TMEM45B: variants seen among roughly 807,000 people sequenced by gnomAD.
The protein encoded by TMEM45B is transmembrane protein 45B.
TMEM45B carries 29 observed loss-of-function variants against 27.3 expected under a neutral mutation model. That is an observed-to-expected ratio of 1.06 (90% CI 0.79 to 1.45). TMEM45B has a LOEUF of 1.45. Among genes scored for constraint, TMEM45B ranks in the 40% most tolerant of loss-of-function variants. TMEM45B has a pLI of 0.00. For missense variants in TMEM45B, 348 were observed against 343.9 expected (o/e 1.01, Z -0.09); for synonymous variants, 143 against 134.7 (o/e 1.06, Z -0.43).
chr11:129,842,037 GA>G (rs1947702576), intron 1 of TMEM45B, among the ~76,000 whole-genome samples: 1 of 152,124 alleles, frequency 6.6e-6, no homozygotes, highest in African/African-American at 2.4e-5. Flanking sequence ...GTACAATTTC[GA>G]ATTCACTAGA....
chr11:129,848,506 AGAGAGGGAGAGG>A lies in TMEM45B; in HGVS notation c.-8-3955_-8-3944del, dbSNP rs66700369. The stretch of plus-strand genomic sequence containing the variant: ...TCGGCATGAAAGGGAGACCGTGGAA[AGAGAGGGAGAGG>A]GAGAGGGAGAGGGCTTATGAAGTTC... On this transcript the variant is annotated intron_variant, in intron 1 of 5. Transcript: ENST00000281441. Among the ~76,000 whole-genome samples, 762 of 151,830 alleles carry A rather than the reference AGAGAGGGAGAGG, an allele frequency of 5.0e-3. 3 individuals are homozygous for A. Among genetic ancestry groups the A allele is most frequent in the African/African-American group, 0.017 (721 of 41,312 alleles).
chr11:129,859,451 T>A lies in TMEM45B; in HGVS notation c.*766T>A, dbSNP rs754748414. 1 of 152,216 alleles carries A rather than the reference T, an allele frequency of 6.6e-6. No homozygotes were observed. The highest frequency in any genetic ancestry group is 1.5e-5 in the Non-Finnish European group (1 of 68,044). The allele number at this position is 152,216 out of a possible 1,614,324, so 9.4% of individuals were successfully genotyped here. On this transcript the variant is annotated 3_prime_UTR_variant, in exon 6 of 6. Transcript: ENST00000281441. ...AGGTATGGAAGGCTTTCAGTTTTAA[T>A]ATGGCTGAAAGCAAAGGATAACGAA...
At chr11:129,844,303 GA>G (rs2135585438) in intron 1 of TMEM45B, among the ~76,000 whole-genome samples, 1 of 152,286 alleles carries the variant, frequency 6.6e-6, no homozygotes, top group Admixed American at 6.5e-5. Context: ...AGCAGTGGGG[GA>G]AATGGGGAGA....
At chr11:129,847,540 CAG>C (rs1432775241) in intron 1 of TMEM45B, among the ~76,000 whole-genome samples, 3 of 150,970 alleles carry the variant, frequency 2.0e-5, no homozygotes, top group African/African-American at 7.3e-5. Flanking sequence ...TTTTCCTAGG[CAG>C]AGTGTGTGTG....
At chr11:129,828,961 C>T (rs10894147) in intron 1 of TMEM45B, among the ~76,000 whole-genome samples, 15,986 of 152,216 alleles carry the variant, frequency 0.11, 863 homozygotes, top group Admixed American at 0.12. Context: ...TATTATTGCA[C>T]GAATAGTGTA....
chr11:129,821,440 T>C (rs1248803634), intron 1 of TMEM45B, among the ~76,000 whole-genome samples: 2 of 152,226 alleles, frequency 1.3e-5, no homozygotes, highest in Non-Finnish European at 2.9e-5. Context: ...ACTTTTTTTT[T>C]CTGTCTAGGC....
intron 1 of TMEM45B, among the ~76,000 whole-genome samples, chr11:129,850,948 C>A (rs184288203): frequency 6.6e-6 from 1 of 152,324 alleles, no homozygotes; most frequent in African/African-American, 2.4e-5. Context: ...TTTGTTATAA[C>A]CCCTGGTTAT....
chr11:129,850,178 T>G (rs1479924686), intron 1 of TMEM45B, among the ~76,000 whole-genome samples: 1 of 152,016 alleles, frequency 6.6e-6, no homozygotes, highest in Non-Finnish European at 1.5e-5. Flanking sequence ...TTGTTGTTGT[T>G]TTTGAGATGG....
At chr11:129,852,151 TCCC>T (rs1294980149) in intron 1 of TMEM45B, among the ~76,000 whole-genome samples, 1 of 152,276 alleles carries the variant, frequency 6.6e-6, no homozygotes, top group Admixed American at 6.5e-5. Context: ...CTTTTCTAGT[TCCC>T]CCCTTTATGT....
At chr11:129,819,648 C>T (rs1221671656) in intron 1 of TMEM45B, among the ~76,000 whole-genome samples, 1 of 151,970 alleles carries the variant, frequency 6.6e-6, no homozygotes, top group African/African-American at 2.4e-5. Flanking sequence ...CCTCCGCTTC[C>T]TGGGTTCAAG....
intron 1 of TMEM45B, among the ~76,000 whole-genome samples, chr11:129,821,156 C>G (rs1206324329): frequency 8.1e-6 from 1 of 124,094 alleles, no homozygotes; most frequent in Non-Finnish European, 1.9e-5. Context: ...CCAGTCTTTC[C>G]CCCAACCCCC....
At position 129,854,752 on chromosome 11, in the gene TMEM45B, T is replaced by C; in HGVS notation, c.321T>C (p.Tyr107=). ...AVSGIVDMLT[Y]LVSHVPLGVD... is the part of the protein sequence containing the mutation. ...CAGGAATTGTTGACATGCTCACCTATCTGGTCAGCCACGTTCCCTTGGGGG... is the reference window on the plus strand; with the variant it reads ...CAGGAATTGTTGACATGCTCACCTACCTGGTCAGCCACGTTCCCTTGGGGG... Residue 107 remains tyrosine, a synonymous_variant, in exon 3 of 6, where the codon TAT becomes TAC. Coordinates refer to ENST00000281441, the MANE Select transcript of TMEM45B (RefSeq NM_138788.5). 6.2e-7 allele frequency: 1 copy of C among 1,614,204 alleles called. No individual in the cohort carries two copies. The highest frequency in any genetic ancestry group is 8.5e-7 in the Non-Finnish European group (1 of 1,180,030).
At chr11:129,849,273 G>A (rs745860891) in intron 1 of TMEM45B, among the ~76,000 whole-genome samples, 19 of 152,308 alleles carry the variant, frequency 1.2e-4, no homozygotes, top group Admixed American at 3.3e-4. Flanking sequence ...ATACAATGGC[G>A]TGACAGGCAC....
rs376452982 is a variant in TMEM45B, at chr11:129,848,166, A to G, written c.-8-4309A>G. 2.3e-3 allele frequency among the ~76,000 whole-genome samples: 346 copies of G among 150,448 alleles called. 4 individuals are homozygous for G. Among genetic ancestry groups the G allele is most frequent in the Middle Eastern group, 6.8e-3 (2 of 292 alleles). ...GGCACTTTGGGAGGCCAAGGCAGGC[A>G]GCTGGGAGGTGGAGGTTGTAGCCGA... is the stretch of plus-strand genomic sequence containing the variant. On this transcript the variant is annotated intron_variant, in intron 1 of 5. Coordinates refer to ENST00000281441, the MANE Select transcript of TMEM45B (RefSeq NM_138788.5).
At chr11:129,848,406 G>A (rs894827316) in intron 1 of TMEM45B, among the ~76,000 whole-genome samples, 2 of 149,074 alleles carry the variant, frequency 1.3e-5, no homozygotes, top group Non-Finnish European at 3.0e-5. Context: ...CCAGGCACTC[G>A]GCAGGCTGAG....
chr11:129,831,233 T>C (rs1947543293), intron 1 of TMEM45B, among the ~76,000 whole-genome samples: 1 of 152,218 alleles, frequency 6.6e-6, no homozygotes, highest in Admixed American at 6.5e-5. Flanking sequence ...AATTTTTTCT[T>C]TCGTTATTAA....
At chr11:129,823,974 C>T (rs1947450581) in intron 1 of TMEM45B, among the ~76,000 whole-genome samples, 1 of 152,146 alleles carries the variant, frequency 6.6e-6, no homozygotes. Flanking sequence ...TTTTCTGCCT[C>T]CTCCCCTACA....
chr11:129,829,976 A>G (rs1245146793), intron 1 of TMEM45B, among the ~76,000 whole-genome samples: 1 of 152,220 alleles, frequency 6.6e-6, no homozygotes, highest in Non-Finnish European at 1.5e-5. Flanking sequence ...ACACTTGGAT[A>G]TTCACATGTG....
Position 129,855,863 on chromosome 11 carries a change from A to G in TMEM45B, c.541A>G (p.Ile181Val). 1 of 1,614,168 alleles carries G rather than the reference A, an allele frequency of 6.2e-7. No homozygotes were observed. Among genetic ancestry groups the G allele is most frequent in the Non-Finnish European group, 8.5e-7 (1 of 1,180,032 alleles). Residue 181 changes from isoleucine (I) to valine (V), a missense_variant, in exon 4 of 6, where the codon ATC becomes GTC. Physicochemically the swap from Ile to Val is conservative, Grantham distance 29. Transcript: ENST00000281441. ...IVLELFRTSL[I>V]ILQGTWFWQI... is the part of the protein sequence containing the mutation. ...GCTGGAACTTTTCCGAACCAGTCTC[A>G]TCATTCTTCAGGGAACCTGGTTCTG...
Sources: gnomAD v4.1 joint callset for allele counts (sites outside exome capture counted in the v4.1 genomes callset) on GRCh38, gnomAD v4.1.1 for gene constraint, MANE v1.5 for transcripts, NCBI Gene and HGNC (gene_info 2026-07-23, HGNC 2026-07-21) for gene names.